HDAC4: variants seen among roughly 807,000 people sequenced by gnomAD.
The protein encoded by HDAC4 is histone deacetylase 4.
Under a neutral mutation model 135.1 loss-of-function variants are expected in HDAC4, and 16 were observed. The observed-to-expected ratio is 0.12, with a 90% CI of 0.08 to 0.18. The LOEUF (loss-of-function observed/expected upper bound fraction) is 0.18, where lower values mean the gene tolerates loss of function less well. Ranked by LOEUF, HDAC4 falls within the 10% of genes least tolerant of loss-of-function variation. The probability of loss-of-function intolerance (pLI) is 1.00; values close to 1 mark genes in which losing one functional copy is unlikely to be tolerated. For missense variants in HDAC4, 1,143 were observed against 1,511.8 expected (o/e 0.76, Z 4.05); for synonymous variants, 685 against 653.4 (o/e 1.05, Z -0.74).
intron 5 of HDAC4, 101 bp from the exon 6 acceptor site, chr2:239,164,024 G>A: frequency 1.4e-6 from 2 of 1,435,744 alleles, no homozygotes. Flanking sequence ...GCTGGGGACG[G>A]CTATGCACCT....
At chr2:239,261,586 T>A (rs2049370750) in intron 2 of HDAC4, among the ~76,000 whole-genome samples, 1 of 152,216 alleles carries the variant, frequency 6.6e-6, no homozygotes, top group African/African-American at 2.4e-5. Flanking sequence ...CTTCCCAGGC[T>A]GGGAGCCTCA....
At chr2:239,202,080 C>T (rs1188371400) in intron 3 of HDAC4, among the ~76,000 whole-genome samples, 3 of 152,130 alleles carry the variant, frequency 2.0e-5, no homozygotes, top group Non-Finnish European at 2.9e-5. Flanking sequence ...CTGCTGGACC[C>T]GAGAACATTC....
intron 1 of HDAC4, among the ~76,000 whole-genome samples, chr2:239,375,730 A>G (rs1174852787): frequency 6.6e-6 from 1 of 152,168 alleles, no homozygotes; most frequent in Non-Finnish European, 1.5e-5. Flanking sequence ...GCTGCTTGCC[A>G]TGGAGCACCC....
intron 1 of HDAC4, among the ~76,000 whole-genome samples, chr2:239,389,560 G>A (rs1053949230): frequency 2.6e-5 from 4 of 152,088 alleles, no homozygotes; most frequent in South Asian, 2.1e-4. Flanking sequence ...AACCAACTCC[G>A]GACACAGGAT....
intron 2 of HDAC4, among the ~76,000 whole-genome samples, chr2:239,300,851 TCG>T (rs1387185963): frequency 6.6e-6 from 1 of 152,230 alleles, no homozygotes; most frequent in African/African-American, 2.4e-5. Flanking sequence ...GGAAAGAAGC[TCG>T]TTTTCCTCAT....
intron 2 of HDAC4, among the ~76,000 whole-genome samples, chr2:239,295,256 G>A (rs1228940298): frequency 7.4e-6 from 1 of 134,514 alleles, no homozygotes; most frequent in Non-Finnish European, 1.5e-5. Flanking sequence ...GCAGTGAGCC[G>A]AGATCGCGCC....
At chr2:239,227,599 A>G (rs988533222) in intron 3 of HDAC4, among the ~76,000 whole-genome samples, 5 of 152,158 alleles carry the variant, frequency 3.3e-5, no homozygotes, top group African/African-American at 1.2e-4. Context: ...CCTTGGGGAA[A>G]TGCAGACAGA....
intron 5 of HDAC4, among the ~76,000 whole-genome samples, chr2:239,164,388 G>A (rs555733160): frequency 1.3e-5 from 2 of 152,320 alleles, no homozygotes; most frequent in African/African-American, 4.8e-5. Context: ...CCGACATGAC[G>A]GCCGGCTCTG....
intron 1 of HDAC4, among the ~76,000 whole-genome samples, chr2:239,372,813 A>G (rs971675854): frequency 6.6e-6 from 1 of 152,190 alleles, no homozygotes; most frequent in African/African-American, 2.4e-5. Flanking sequence ...ACACACACGC[A>G]CACACATGCT....
At chr2:239,154,384 T>C (rs1015897253) in intron 7 of HDAC4, among the ~76,000 whole-genome samples, 2 of 152,148 alleles carry the variant, frequency 1.3e-5, no homozygotes, top group African/African-American at 4.8e-5. Context: ...AGACCCACTG[T>C]GCTGATGAGG....
rs552732889 is a variant in HDAC4 at position 239,087,689 on chromosome 2, C to T, written c.2389-75G>A. On this transcript the variant is annotated intron_variant, in intron 18 of 26. Coordinates refer to ENST00000543185, the MANE Select transcript of HDAC4 (RefSeq NM_001378414.1). ...GTAGCCACGGGAAAATGGTTGCACACTCAACTTTTAGCAGAGTTGGGCTAC... is the reference window on the plus strand; with the variant it reads ...GTAGCCACGGGAAAATGGTTGCACATTCAACTTTTAGCAGAGTTGGGCTAC... The T allele has an allele frequency of 7.4e-5, 105 of 1,412,550 alleles. No individual in the cohort carries two copies. In the East Asian group the frequency reaches 8.6e-4, roughly 12 times the overall value. The allele number at this position is 1,412,550 out of a possible 1,614,324, so 87.5% of individuals were successfully genotyped here. A position where few individuals can be genotyped will look rare whatever the true frequency, so the allele number is the denominator to read the frequency against.
At chr2:239,330,486 G>A (rs529458156) in intron 2 of HDAC4, among the ~76,000 whole-genome samples, 82 of 152,326 alleles carry the variant, frequency 5.4e-4, no homozygotes, top group African/African-American at 2.0e-3. Context: ...TGGCCCCACC[G>A]AACACTGGCC....
chr2:239,213,778 C>T (rs1234227852), intron 3 of HDAC4, among the ~76,000 whole-genome samples: 1 of 152,254 alleles, frequency 6.6e-6, no homozygotes, highest in Non-Finnish European at 1.5e-5. Context: ...CAGAGTGAGC[C>T]TTCATCTCCA....
rs187449920 is a variant in HDAC4 at position 239,055,068 on chromosome 2, T to C, written c.3004-235A>G. ...TAAGATATTTGTGGGTTCCTACAAG[T>C]AGCAGGAAGAAAGACAGTCCCCAGG... On this transcript the variant is annotated intron_variant, in intron 24 of 26. Coordinates refer to ENST00000543185, the MANE Select transcript of HDAC4 (RefSeq NM_001378414.1). 2.0e-3 allele frequency: 880 copies of C among 447,446 alleles called. 1 individual carries two copies. Among genetic ancestry groups the C allele is most frequent in the Non-Finnish European group, 3.0e-3 (732 of 241,094 alleles). The allele number at this position is 447,446 out of a possible 1,614,324, so 27.7% of individuals were successfully genotyped here.
chr2:239,300,867 G>A (rs1033093480), intron 2 of HDAC4, among the ~76,000 whole-genome samples: 1 of 152,350 alleles, frequency 6.6e-6, no homozygotes, highest in South Asian at 2.1e-4. Context: ...TCCTCATTCC[G>A]TACATCGTGT....
At position 239,108,071 on chromosome 2, in the gene HDAC4, C is replaced by T. The variant is rs993038179; in HGVS notation, c.2091G>A (p.Thr697=). 5.0e-6 allele frequency: 8 copies of T among 1,610,820 alleles called. No individual in the cohort carries two copies. Among genetic ancestry groups the T allele is most frequent in the Admixed American group, 1.7e-5 (1 of 59,986 alleles). Reference sequence around the variant, plus strand: ...TTACCTCGCATTTGCCCCGGAGGCCCGTCTCCTGCAGGCGGGACCAGATGC... The same window carrying T: ...TTACCTCGCATTTGCCCCGGAGGCCTGTCTCCTGCAGGCGGGACCAGATGC... ...IQSIWSRLQE[T]GLRGKCECIR... is the part of the protein sequence containing the mutation. The change falls in exon 15 of 27, where the codon ACG becomes ACA. Residue 697 remains threonine (T), a synonymous_variant. Transcript: ENST00000543185.
chr2:239,273,507 G>C (rs913991120), intron 2 of HDAC4, among the ~76,000 whole-genome samples: 1 of 152,204 alleles, frequency 6.6e-6, no homozygotes, highest in Non-Finnish European at 1.5e-5. Context: ...TCAGGAGTGA[G>C]TGTCTTGGAT....
chr2:239,323,250 A>G (rs2053371417), intron 2 of HDAC4, among the ~76,000 whole-genome samples: 1 of 152,210 alleles, frequency 6.6e-6, no homozygotes, highest in Non-Finnish European at 1.5e-5. Flanking sequence ...AGGTATGGAC[A>G]TGGGGAGACA....
chr2:239,170,439 T>C (rs966669404), intron 5 of HDAC4, among the ~76,000 whole-genome samples: 1 of 152,218 alleles, frequency 6.6e-6, no homozygotes, highest in Non-Finnish European at 1.5e-5. Context: ...TCAAATCTAG[T>C]GCAGATTAAT....
Sources: allele counts gnomAD v4.1 joint callset (sites outside exome capture counted in the v4.1 genomes callset), GRCh38; gene constraint gnomAD v4.1.1; transcripts MANE v1.5; gene names NCBI Gene and HGNC (gene_info 2026-07-23, HGNC 2026-07-21).